DPP6: variants seen among roughly 807,000 people sequenced by gnomAD.
The protein encoded by DPP6 is A-type potassium channel modulatory protein DPP6.
In DPP6, 69 loss-of-function variants were observed where a neutral mutation model predicts 122.6. The ratio of observed to expected loss-of-function variants is 0.56; its 90% CI spans 0.46 to 0.69. DPP6 has a LOEUF of 0.69. Ranked by LOEUF, DPP6 falls within the 30% of genes least tolerant of loss-of-function variation. The pLI is 0.00. For synonymous variants in DPP6, 418 were observed against 433.1 expected (o/e 0.97, Z 0.43); for missense variants, 928 against 1,116.9 (o/e 0.83, Z 2.41).
At chr7:153,896,380 A>G (rs1799415899) in intron 1 of DPP6, among the ~76,000 whole-genome samples, 1 of 152,098 alleles carries the variant, frequency 6.6e-6, no homozygotes, top group South Asian at 2.1e-4. Flanking sequence ...CTTGTCCTAT[A>G]TTTTTGGGAA....
At chr7:154,075,955 G>T (rs999624366) in intron 1 of DPP6, among the ~76,000 whole-genome samples, 1 of 151,772 alleles carries the variant, frequency 6.6e-6, no homozygotes, top group Non-Finnish European at 1.5e-5. Flanking sequence ...GTGATAAAAT[G>T]TATATGCATA....
intron 1 of DPP6, among the ~76,000 whole-genome samples, chr7:154,200,277 T>G (rs1385195331): frequency 4.6e-5 from 7 of 152,172 alleles, no homozygotes; most frequent in African/African-American, 1.7e-4. Flanking sequence ...TTCATATAAT[T>G]TGTAAAGAGC....
the DPP6 span, among the ~76,000 whole-genome samples, chr7:153,879,670 T>C: frequency 6.6e-6 from 1 of 152,206 alleles, no homozygotes; most frequent in Non-Finnish European, 1.5e-5. Context: ...ATTACAGGCA[T>C]GAGTCACTGT....
intron 1 of DPP6, among the ~76,000 whole-genome samples, chr7:153,899,193 T>TCTC (rs796084342): frequency 1.6e-4 from 24 of 151,196 alleles, no homozygotes; most frequent in Admixed American, 1.3e-3. Context: ...TCCTCTTCCT[T>TCTC]CTCCTCCTCC....
chr7:154,586,391 G>A (rs941381311), intron 5 of DPP6, among the ~76,000 whole-genome samples: 3 of 152,108 alleles, frequency 2.0e-5, no homozygotes, highest in African/African-American at 7.2e-5. Context: ...CCCACTAAAC[G>A]CGCTTGTCCA....
At chr7:154,739,019 G>A (rs1842698327) in intron 8 of DPP6, among the ~76,000 whole-genome samples, 1 of 152,216 alleles carries the variant, frequency 6.6e-6, no homozygotes, top group African/African-American at 2.4e-5. Context: ...GGTCACTCAA[G>A]GTCCCAGGCT....
the DPP6 span, among the ~76,000 whole-genome samples, chr7:153,874,279 C>CACACACAG: frequency 1.1e-3 from 161 of 151,962 alleles, no homozygotes; most frequent in Non-Finnish European, 1.9e-3. Context: ...CACACACACA[C>CACACACAG]AGACACACAC....
intron 1 of DPP6, among the ~76,000 whole-genome samples, chr7:154,224,842 A>G (rs1229854914): frequency 7.3e-6 from 1 of 137,220 alleles, no homozygotes; most frequent in African/African-American, 3.2e-5. Context: ...TTAACATTTT[A>G]AAAACATTCT....
chr7:154,402,895 T>C (rs887878153), intron 1 of DPP6, among the ~76,000 whole-genome samples: 1 of 151,998 alleles, frequency 6.6e-6, no homozygotes, highest in African/African-American at 2.4e-5. Flanking sequence ...TTAAATAAAG[T>C]AGAAAAGATT....
intron 1 of DPP6, among the ~76,000 whole-genome samples, chr7:154,109,285 T>A: frequency 6.6e-6 from 1 of 151,962 alleles, no homozygotes; most frequent in Non-Finnish European, 1.5e-5. Context: ...TTCTTTTCTT[T>A]TTTTCTTTTT....
At chr7:153,805,846 C>T in the DPP6 span, among the ~76,000 whole-genome samples, 1 of 151,842 alleles carries the variant, frequency 6.6e-6, no homozygotes, top group East Asian at 1.9e-4. Context: ...ACACTGGGGC[C>T]TGTCGTGGGG....
intron 1 of DPP6, among the ~76,000 whole-genome samples, chr7:154,096,530 G>A (rs1805334162): frequency 6.6e-6 from 1 of 150,630 alleles, no homozygotes; most frequent in Non-Finnish European, 1.5e-5. Context: ...TATGCTTTTG[G>A]TTTATAAAGT....
In DPP6 at chr7:154,821,695, TACACAC is replaced by T. The variant is rs1222261553; in HGVS notation, c.1666+14589_1666+14594del. 6.8e-6 allele frequency among the ~76,000 whole-genome samples: 1 copy of T among 148,048 alleles called. No individual in the cohort carries two copies. The highest frequency in any genetic ancestry group is 2.5e-5 in the African/African-American group (1 of 40,606). On this transcript the variant is annotated intron_variant, in intron 16 of 25. Coordinates refer to ENST00000377770, the MANE Select transcript of DPP6 (RefSeq NM_130797.4). The surrounding 1 kb of genome is among the most constrained non-coding windows in gnomAD (Gnocchi z 4.2). ...ATATATATACACACACATATATATA[TACACAC>T]ACACATATATATATACAGAAAAAAC...
At chr7:153,834,442 T>C in the DPP6 span, among the ~76,000 whole-genome samples, 3 of 152,022 alleles carry the variant, frequency 2.0e-5, no homozygotes, top group African/African-American at 4.8e-5. Flanking sequence ...AAGTCAAAAT[T>C]TCCTGAGTCT....
intron 7 of DPP6, among the ~76,000 whole-genome samples, chr7:154,704,119 A>G (rs1840690878): frequency 6.6e-6 from 1 of 152,206 alleles, no homozygotes; most frequent in South Asian, 2.1e-4. Context: ...AGGAGTTTAA[A>G]TGAAGTTGAT....
chr7:154,060,321 A>C (rs1585266105), intron 1 of DPP6, among the ~76,000 whole-genome samples: 4 of 120,960 alleles, frequency 3.3e-5, no homozygotes, highest in East Asian at 2.6e-4. Context: ...TAGGACCCCC[A>C]TCGCAGGAGG....
At chr7:154,549,857 C>T (rs113692524) in intron 4 of DPP6, among the ~76,000 whole-genome samples, 13 of 152,074 alleles carry the variant, frequency 8.5e-5, no homozygotes, top group Admixed American at 6.6e-5. Context: ...ATTATTTTGG[C>T]CTTAACTGTG....
chr7:154,882,491 T>C (rs1019135972), intron 21 of DPP6, among the ~76,000 whole-genome samples: 1 of 152,228 alleles, frequency 6.6e-6, no homozygotes, highest in African/African-American at 2.4e-5. Context: ...GCTTGGCATG[T>C]TGCGGCCTGT....
At position 154,772,826 on chromosome 7, in the gene DPP6, G is replaced by T; in HGVS notation, c.1039-19G>T. 6.2e-7 allele frequency: 1 copy of T among 1,607,724 alleles called. No individual in the cohort carries two copies. The highest frequency in any genetic ancestry group is 1.1e-5 in the South Asian group (1 of 89,310). ...TATAAGGCTGCTTGTTCATGTCTCTGCCCCTTTTTAATCCCCAGGCTGGAA... is the reference window on the plus strand; with the variant it reads ...TATAAGGCTGCTTGTTCATGTCTCTTCCCCTTTTTAATCCCCAGGCTGGAA... On this transcript the variant is annotated intron_variant, in intron 9 of 25. Coordinates refer to ENST00000377770, the MANE Select transcript of DPP6 (RefSeq NM_130797.4).
Sources: gnomAD v4.1 joint callset for allele counts (sites outside exome capture counted in the v4.1 genomes callset) on GRCh38, gnomAD v4.1.1 for gene constraint, Gnocchi (gnomAD v3.1) non-coding constraint, MANE v1.5 for transcripts, NCBI Gene and HGNC (gene_info 2026-07-23, HGNC 2026-07-21) for gene names.